MRTFA: variants seen among roughly 807,000 people sequenced by gnomAD.
MRTFA encodes myocardin related transcription factor A.
MRTFA carries 20 observed loss-of-function variants against 83.5 expected under a neutral mutation model. The observed-to-expected ratio is 0.24, with a 90% CI of 0.17 to 0.35. The LOEUF (loss-of-function observed/expected upper bound fraction) is 0.35. MRTFA is among the 10% of genes least tolerant of loss of function. The pLI is 1.00. For missense variants in MRTFA, 1,200 were observed against 1,224.7 expected (o/e 0.98, Z 0.30); for synonymous variants, 659 against 541.2 (o/e 1.22, Z -3.02).
intron 3 of MRTFA, among the ~76,000 whole-genome samples, chr22:40,467,749 A>G (rs1569282098): frequency 6.6e-6 from 1 of 152,170 alleles, no homozygotes. Context: ...GTATATCACT[A>G]CTTAGATTTG....
At chr22:40,518,310 G>C (rs1011895078) in intron 3 of MRTFA, among the ~76,000 whole-genome samples, 1 of 151,988 alleles carries the variant, frequency 6.6e-6, no homozygotes, top group Non-Finnish European at 1.5e-5. Flanking sequence ...TTGTGGGCCT[G>C]AGCCCTTAAC....
At chr22:40,500,137 GC>G (rs1400631876) in intron 3 of MRTFA, among the ~76,000 whole-genome samples, 1 of 150,776 alleles carries the variant, frequency 6.6e-6, no homozygotes, top group Non-Finnish European at 1.5e-5. Flanking sequence ...CACCATGTTG[GC>G]CAGGCTGGTC....
intron 3 of MRTFA, among the ~76,000 whole-genome samples, chr22:40,545,551 G>C (rs928460360): frequency 2.0e-5 from 3 of 151,440 alleles, no homozygotes; most frequent in African/African-American, 7.3e-5. Context: ...TCCCGCCTCA[G>C]CCTCCCAAGG....
intron 1 of MRTFA, among the ~76,000 whole-genome samples, chr22:40,624,240 A>G (rs1324564233): frequency 6.6e-6 from 1 of 152,080 alleles, no homozygotes; most frequent in Admixed American, 6.6e-5. Flanking sequence ...CCTGGCCAAC[A>G]CAGTGAAACT....
At chr22:40,536,913 G>A (rs1296826067) in intron 3 of MRTFA, among the ~76,000 whole-genome samples, 3 of 76,604 alleles carry the variant, frequency 3.9e-5, no homozygotes, top group African/African-American at 1.5e-4. Context: ...CCCGGCAGCC[G>A]CCCCGTCTGA....
Position 40,456,697 on chromosome 22 carries a change from A to G in MRTFA, c.307+6524T>C, listed in dbSNP as rs537768492. ...ACCAGATCCTGTCTCAAAAATATAT[A>G]TAAACAAATTTTAAAAAGTTTTCTT... On this transcript the variant is annotated intron_variant, in intron 4 of 14. Coordinates refer to ENST00000355630, the MANE Select transcript of MRTFA (RefSeq NM_020831.6). 1.7e-3 allele frequency among the ~76,000 whole-genome samples: 254 copies of G among 152,314 alleles called. 1 individual carries two copies. The highest frequency in any genetic ancestry group is 5.8e-3 in the African/African-American group (240 of 41,562).
chr22:40,431,373 T>A (rs752925991), intron 6 of MRTFA, 32 bp downstream of exon 6: 28 of 1,598,990 alleles, frequency 1.8e-5, no homozygotes, highest in Non-Finnish European at 2.4e-5. Flanking sequence ...GAGAACTGGA[T>A]CTAGATGGAA....
intron 7 of MRTFA, among the ~76,000 whole-genome samples, chr22:40,424,667 T>C (rs1322322350): frequency 6.6e-6 from 1 of 152,202 alleles, no homozygotes; most frequent in Non-Finnish European, 1.5e-5. Context: ...AACTCTATAC[T>C]GTGTTTAGTC....
At chr22:40,541,655 T>G (rs1329614145) in intron 3 of MRTFA, among the ~76,000 whole-genome samples, 3 of 152,046 alleles carry the variant, frequency 2.0e-5, no homozygotes, top group Non-Finnish European at 4.4e-5. Flanking sequence ...TGGCTGTGTG[T>G]GTGTGTGTGT....
chr22:40,422,464 G>A (rs1265012789), intron 9 of MRTFA, among the ~76,000 whole-genome samples: 1 of 152,264 alleles, frequency 6.6e-6, no homozygotes, highest in Non-Finnish European at 1.5e-5. Flanking sequence ...CCTGCTGACA[G>A]TGAGAAGAGA....
chr22:40,536,313 T>C (rs1179877813), intron 3 of MRTFA, among the ~76,000 whole-genome samples: 1 of 151,364 alleles, frequency 6.6e-6, no homozygotes, highest in South Asian at 2.1e-4. Flanking sequence ...AATAAATAAA[T>C]AAATGGGCCG....
At chr22:40,422,233 C>T (rs2052856576) in intron 9 of MRTFA, among the ~76,000 whole-genome samples, 1 of 151,998 alleles carries the variant, frequency 6.6e-6, no homozygotes, top group South Asian at 2.1e-4. Context: ...GAAAGCACAA[C>T]CAAGGAGAGG....
intron 4 of MRTFA, among the ~76,000 whole-genome samples, chr22:40,447,191 A>G (rs1043833109): frequency 2.0e-5 from 3 of 151,944 alleles, no homozygotes; most frequent in African/African-American, 2.4e-5. Flanking sequence ...CTCCGTCTCT[A>G]TGAAAAATAC....
intron 2 of MRTFA, among the ~76,000 whole-genome samples, chr22:40,578,666 A>G (rs2055902768): frequency 6.6e-6 from 1 of 152,148 alleles, no homozygotes; most frequent in Non-Finnish European, 1.5e-5. Flanking sequence ...TCACACCTGT[A>G]ATCCTAACAC....
intron 1 of MRTFA, among the ~76,000 whole-genome samples, chr22:40,619,611 C>G (rs1454414333): frequency 1.3e-5 from 2 of 151,866 alleles, no homozygotes; most frequent in African/African-American, 4.8e-5. Flanking sequence ...AGAAATTGGC[C>G]GGGTGCGGTG....
At chr22:40,585,315 A>G (rs1355707649) in intron 2 of MRTFA, among the ~76,000 whole-genome samples, 2 of 152,242 alleles carry the variant, frequency 1.3e-5, no homozygotes, top group African/African-American at 4.8e-5. Flanking sequence ...TATAACAAAA[A>G]GTTATATATG....
At chr22:40,420,616 C>T (rs755044249) in intron 10 of MRTFA, 40 bp from the exon 11 acceptor site, 1 of 1,601,462 alleles carries the variant, frequency 6.2e-7, no homozygotes, top group Non-Finnish European at 8.5e-7. Context: ...TCCAGCTTCG[C>T]CCGTGGCCTC....
chr22:40,513,728 A>C (rs951958242), intron 3 of MRTFA, among the ~76,000 whole-genome samples: 17 of 152,180 alleles, frequency 1.1e-4, no homozygotes, highest in Admixed American at 4.6e-4. Context: ...TAAGTACATT[A>C]ATAAAAAAAT....
intron 3 of MRTFA, among the ~76,000 whole-genome samples, chr22:40,470,487 A>G (rs553848331): frequency 5.9e-5 from 9 of 151,718 alleles, no homozygotes; most frequent in Admixed American, 2.0e-4. Flanking sequence ...GAAAATTCAC[A>G]GCCTACACTG....
Sources: allele counts gnomAD v4.1 joint callset (sites outside exome capture counted in the v4.1 genomes callset), GRCh38; gene constraint gnomAD v4.1.1; transcripts MANE v1.5; gene names NCBI Gene and HGNC (gene_info 2026-07-23, HGNC 2026-07-21).